The following DMXL1 variants were observed in gnomAD, a reference collection of about 807,000 sequenced individuals.
DMXL1 encodes the protein Dmx like 1, also known as dmX-like protein 1.
DMXL1 carries 99 observed loss-of-function variants against 319.2 expected under a neutral mutation model. The observed-to-expected ratio is 0.31, with a 90% CI of 0.26 to 0.37. DMXL1 has a LOEUF of 0.37. Ranked by LOEUF, DMXL1 falls within the 10% of genes least tolerant of loss-of-function variation. The pLI, the probability that DMXL1 is intolerant of heterozygous loss-of-function variation, is 1.00. For synonymous variants in DMXL1, 1,385 were observed against 1,235.2 expected (o/e 1.12, Z -2.54); for missense variants, 3,745 against 3,595.6 (o/e 1.04, Z -1.06).
At position 119,118,927 on chromosome 5, in the gene DMXL1, T is replaced by C; in HGVS notation, c.856T>C (p.Trp286Arg). ...GCTATACGGAGGTGACTGCAGCCAT[T>C]GGACTGAATCAATTAATTTAACAAA... is the stretch of plus-strand genomic sequence containing the variant. ...CLLYGGDCSH[W>R]TESINLTNNF... is the part of the protein sequence containing the mutation. Residue 286 changes from tryptophan (W) to arginine (R), a missense_variant, in exon 8 of 44, where the codon TGG becomes CGG. Transcript: ENST00000539542. The C allele has an allele frequency of 6.2e-7, 1 of 1,613,844 alleles. No individual in the cohort carries two copies. The highest frequency in any genetic ancestry group is 8.5e-7 in the Non-Finnish European group (1 of 1,179,918).
intron 1 of DMXL1, among the ~76,000 whole-genome samples, chr5:119,093,086 C>A (rs536881963): frequency 2.0e-5 from 3 of 151,722 alleles, no homozygotes; most frequent in African/African-American, 7.3e-5. Context: ...TTGTGGCAAC[C>A]CTTTGTTGAG....
chr5:119,134,454 T>G (rs1325766959), intron 13 of DMXL1, 65 bp downstream of exon 13: 1 of 1,352,586 alleles, frequency 7.4e-7, no homozygotes, highest in African/African-American at 1.5e-5. Context: ...TTTATATTTA[T>G]TGGGCATGTT....
chr5:119,192,981 C>T (rs979175220), intron 29 of DMXL1, among the ~76,000 whole-genome samples: 1 of 152,112 alleles, frequency 6.6e-6, no homozygotes, highest in African/African-American at 2.4e-5. Flanking sequence ...CCTGTTGGTT[C>T]TTTCTCCAAA....
chr5:119,076,432 C>T (rs984312394), intron 1 of DMXL1, among the ~76,000 whole-genome samples: 1 of 151,334 alleles, frequency 6.6e-6, no homozygotes, highest in Non-Finnish European at 1.5e-5. Context: ...GCATGTGAAT[C>T]TTTTTTGGTG....
In DMXL1 at chr5:119,170,599, A is replaced by G. The variant is rs747202496; in HGVS notation, c.5808A>G (p.Ser1936=). 6 of 1,613,684 alleles carry G rather than the reference A, an allele frequency of 3.7e-6. No individual in the cohort carries two copies. The highest frequency in any genetic ancestry group is 3.4e-6 in the Non-Finnish European group (4 of 1,179,902). ...TGATAAATGGTTTTGGATCTTCTTC[A>G]GAGGGTTCCTCAGAGAAGCAATCAA... ...QSLINGFGSS[S]EGSSEKQSNS... is the part of the protein sequence containing the mutation. Residue 1936 remains serine, a synonymous_variant, in exon 24 of 44, where the codon TCA becomes TCG. Transcript: ENST00000539542.
At chr5:119,240,594 C>T (rs1788594533) in intron 42 of DMXL1, 123 bp downstream of exon 42, 2 of 685,520 alleles carry the variant, frequency 2.9e-6, no homozygotes, top group Admixed American at 2.8e-5. Flanking sequence ...TTCTTTTGCC[C>T]AGGATGGCAG....
intron 15 of DMXL1, among the ~76,000 whole-genome samples, chr5:119,146,629 G>A (rs764913575): frequency 7.2e-5 from 11 of 151,922 alleles, no homozygotes; most frequent in Non-Finnish European, 1.5e-4. Context: ...ACATGAAATA[G>A]CATACATATT....
intron 5 of DMXL1, 50 bp downstream of exon 5, chr5:119,110,333 GT>G: frequency 6.9e-7 from 1 of 1,439,138 alleles, no homozygotes; most frequent in Non-Finnish European, 9.1e-7. Context: ...GTTCTATGTG[GT>G]TTTATTATAA....
At chr5:119,103,733 C>T (rs1329110492) in intron 3 of DMXL1, among the ~76,000 whole-genome samples, 2 of 151,982 alleles carry the variant, frequency 1.3e-5, no homozygotes, top group African/African-American at 2.4e-5. Flanking sequence ...TTTTTTAAGG[C>T]GATTACCCCA....
Position 119,248,409 on chromosome 5 carries a change from TTCTG to T in DMXL1, c.*1196_*1199del, listed in dbSNP as rs1239608296. 1 of 152,534 alleles carries T rather than the reference TTCTG, an allele frequency of 6.6e-6. No individual in the cohort carries two copies. The highest frequency in any genetic ancestry group is 1.5e-5 in the Non-Finnish European group (1 of 67,942). The allele number at this position is 152,534 out of a possible 1,614,324, so 9.4% of individuals were successfully genotyped here. A position where few individuals can be genotyped will look rare whatever the true frequency, so the allele number is the denominator to read the frequency against. On this transcript the variant is annotated 3_prime_UTR_variant, in exon 44 of 44. Coordinates refer to ENST00000539542, the MANE Select transcript of DMXL1 (RefSeq NM_001290321.3). ...TTTAACTTAAATGTGCTAACCCTGT[TTCTG>T]TCTGTTTTGTGCTGTACCTTTTCTG...
Position 119,148,775 on chromosome 5 carries a change from G to C in DMXL1, c.2948G>C (p.Ser983Thr), listed in dbSNP as rs372852709. ...LSSSSIYPAC[S>T]APYLLATSCS... is the part of the protein sequence containing the mutation. ...TCATCTTCTATATATCCTGCATGCAGTGCTCCTTATTTATTGGCAACTTCA... is the reference window on the plus strand; with the variant it reads ...TCATCTTCTATATATCCTGCATGCACTGCTCCTTATTTATTGGCAACTTCA... The change falls in exon 18 of 44, where the codon AGT becomes ACT. Residue 983 changes from serine to threonine, a missense_variant. Ser to Thr is a moderately conservative substitution (Grantham distance 58, BLOSUM62 1). Transcript: ENST00000539542. The C allele has an allele frequency of 9.9e-6, 16 of 1,613,296 alleles. No homozygotes were observed. The highest frequency in any genetic ancestry group is 1.3e-5 in the Non-Finnish European group (15 of 1,179,594).
chr5:119,104,358 C>T (rs745632992), intron 3 of DMXL1: 1 of 152,192 alleles, frequency 6.6e-6, no homozygotes, highest in Non-Finnish European at 1.5e-5. Context: ...GTCAAAATCA[C>T]CTGGGGTGTT....
chr5:119,129,921 C>A (rs750294759), intron 10 of DMXL1, among the ~76,000 whole-genome samples: 1 of 152,152 alleles, frequency 6.6e-6, no homozygotes, highest in Admixed American at 6.5e-5. Flanking sequence ...CCTTGATTGA[C>A]GCATATCACT....
chr5:119,131,206 G>T (rs1580903517), intron 10 of DMXL1, among the ~76,000 whole-genome samples: 1 of 147,108 alleles, frequency 6.8e-6, no homozygotes. Context: ...TTTTAAATCT[G>T]GTAAACAGTC....
intron 15 of DMXL1, 112 bp from the exon 16 acceptor site, chr5:119,146,725 G>C: frequency 9.5e-7 from 1 of 1,050,654 alleles, no homozygotes; most frequent in Non-Finnish European, 1.3e-6. Flanking sequence ...GAAGCCTTAG[G>C]TAAAAGTTTT....
chr5:119,133,491 T>C lies in DMXL1; in HGVS notation c.1570-3T>C. 2.5e-6 allele frequency: 4 copies of C among 1,600,666 alleles called. No individual in the cohort carries two copies. The highest frequency in any genetic ancestry group is 3.4e-6 in the Non-Finnish European group (4 of 1,175,304). The stretch of plus-strand genomic sequence containing the variant: ...GTTCTAACACTTGCTTTCTTGATTC[T>C]AGGTGTCCTTTGTTTCCAGAATTCC... On this transcript the variant is annotated splice_region_variant and splice_polypyrimidine_tract_variant and intron_variant, in intron 11 of 43. Coordinates refer to ENST00000539542, the MANE Select transcript of DMXL1 (RefSeq NM_001290321.3).
Position 119,203,339 on chromosome 5 carries a change from T to G in DMXL1, c.7766T>G (p.Leu2589Arg). The G allele has an allele frequency of 1.3e-6, 2 of 1,596,330 alleles. No homozygotes were observed. The highest frequency in any genetic ancestry group is 1.7e-6 in the Non-Finnish European group (2 of 1,173,698). ...TGTAGATCCAAACACCATCTGGCAC[T>G]GTCTGTGAAGAGGCTTTGGCAGTAT... ...TPFKSKHHLA[L>R]SVKRLWQYLV... Residue 2589 changes from leucine to arginine, a missense_variant, in exon 33 of 44, where the codon CTG (leucine) becomes CGG (arginine). Coordinates refer to ENST00000539542, the MANE Select transcript of DMXL1 (RefSeq NM_001290321.3).
At chr5:119,234,024 A>T (rs1787255202) in intron 39 of DMXL1, among the ~76,000 whole-genome samples, 2 of 152,194 alleles carry the variant, frequency 1.3e-5, no homozygotes, top group South Asian at 2.1e-4. Flanking sequence ...GCTACTTCCT[A>T]CTACAGCAGC....
chr5:119,228,212 A>G (rs772327640), intron 38 of DMXL1, among the ~76,000 whole-genome samples: 9 of 152,210 alleles, frequency 5.9e-5, no homozygotes, highest in Admixed American at 3.3e-4. Context: ...TCTAAATGTT[A>G]TCAGAAACCA....
Sources: gnomAD v4.1 joint callset for allele counts (sites outside exome capture counted in the v4.1 genomes callset) on GRCh38, gnomAD v4.1.1 for gene constraint, MANE v1.5 for transcripts, NCBI Gene and HGNC (gene_info 2026-07-23, HGNC 2026-07-21) for gene names.